Variants in SORCS3 observed in about 807,000 individuals in gnomAD.
SORCS3 encodes the protein VPS10 domain-containing receptor SorCS3.
SORCS3 carries 57 observed loss-of-function variants against 146.3 expected under a neutral mutation model. The observed-to-expected ratio is 0.39, with a 90% CI of 0.31 to 0.49. SORCS3 has a LOEUF of 0.49. SORCS3 is among the 20% of genes least tolerant of loss of function. The pLI is 0.92. For synonymous variants in SORCS3, 653 were observed against 618.5 expected (o/e 1.06, Z -0.83); for missense variants, 1,341 against 1,575.5 (o/e 0.85, Z 2.52).
intron 4 of SORCS3, among the ~76,000 whole-genome samples, chr10:105,000,868 T>A (rs989281717): frequency 6.6e-6 from 1 of 152,210 alleles, no homozygotes; most frequent in Non-Finnish European, 1.5e-5. Context: ...GTAGGTATTA[T>A]CACTCACCCA....
intron 1 of SORCS3, among the ~76,000 whole-genome samples, chr10:104,826,362 C>G (rs969062903): frequency 2.6e-5 from 4 of 151,992 alleles, no homozygotes; most frequent in African/African-American, 9.7e-5. Flanking sequence ...TCATCTACAC[C>G]CCATTAGGTA....
At chr10:105,177,526 G>T (rs2056414110) in intron 13 of SORCS3, among the ~76,000 whole-genome samples, 1 of 152,132 alleles carries the variant, frequency 6.6e-6, no homozygotes, top group Non-Finnish European at 1.5e-5. Flanking sequence ...TGAAAGATGA[G>T]GCAGTGTTGC....
chr10:105,159,188 G>T lies in SORCS3; in HGVS notation c.1732+194G>T, dbSNP rs142866709. Among the ~76,000 whole-genome samples, 4 of 152,072 alleles carry T rather than the reference G, an allele frequency of 2.6e-5. No homozygotes were observed. In the East Asian group the frequency reaches 7.7e-4, roughly 29 times the overall value. ...GAGCTCCAGACATTTGTAATTCCTA[G>T]GCTCATGCATCTTCCCCCCAGACAC... On this transcript the variant is annotated intron_variant, in intron 11 of 26. Transcript: ENST00000369701.
intron 2 of SORCS3, among the ~76,000 whole-genome samples, chr10:104,894,538 G>C (rs1317866290): frequency 1.3e-5 from 2 of 152,202 alleles, no homozygotes; most frequent in Non-Finnish European, 2.9e-5. Flanking sequence ...AGAAGTGGAG[G>C]AATATAAGCT....
chr10:105,015,816 AC>A (rs1292619723), intron 4 of SORCS3, among the ~76,000 whole-genome samples: 1 of 150,286 alleles, frequency 6.7e-6, no homozygotes, highest in East Asian at 2.0e-4. Flanking sequence ...TACAACCTCC[AC>A]CTCCCGGGTT....
intron 2 of SORCS3, among the ~76,000 whole-genome samples, chr10:104,870,131 A>G (rs956303513): frequency 1.3e-5 from 2 of 152,236 alleles, no homozygotes; most frequent in South Asian, 2.1e-4. Context: ...AATGTCAACA[A>G]TTCTCTTAGG....
chr10:104,657,562 T>C (rs1412608594), intron 1 of SORCS3, among the ~76,000 whole-genome samples: 1 of 152,218 alleles, frequency 6.6e-6, no homozygotes, highest in Non-Finnish European at 1.5e-5. Flanking sequence ...TCATGGTTTC[T>C]TTTTCTGGAG....
intron 1 of SORCS3, among the ~76,000 whole-genome samples, chr10:104,683,976 A>G (rs372618548): frequency 6.6e-6 from 1 of 152,232 alleles, no homozygotes; most frequent in African/African-American, 2.4e-5. Context: ...AGGGGTCTAT[A>G]GAAAGCTCTA....
chr10:104,696,241 C>G, intron 1 of SORCS3, among the ~76,000 whole-genome samples: 1 of 118,770 alleles, frequency 8.4e-6, no homozygotes, highest in African/African-American at 3.5e-5. Flanking sequence ...ATATCATATA[C>G]ACATATGATA....
intron 1 of SORCS3, among the ~76,000 whole-genome samples, chr10:104,817,013 C>T (rs1008876512): frequency 6.6e-6 from 1 of 152,182 alleles, no homozygotes; most frequent in African/African-American, 2.4e-5. Context: ...GTGGACCCAG[C>T]TTCCTGGCTT....
Position 105,255,768 on chromosome 10 carries a change from C to G in SORCS3, c.3304C>G (p.Gln1102Glu). The G allele has an allele frequency of 6.2e-7, 1 of 1,613,844 alleles. No individual in the cohort carries two copies. The highest frequency in any genetic ancestry group is 8.5e-7 in the Non-Finnish European group (1 of 1,179,900). The change falls in exon 24 of 27, where the codon CAA becomes GAA. Residue 1102 changes from glutamine (Q) to glutamate (E), a missense_variant. By Grantham distance (29) the Gln-to-Glu change is conservative (BLOSUM62 2). Transcript: ENST00000369701. ...LVQFELKPGVQVIVYVTQLTL... is the reference protein window; with the variant it reads ...LVQFELKPGVEVIVYVTQLTL... ...CCAGTTTGAGCTGAAGCCGGGGGTA[C>G]AAGTCATTGTGTATGTCACACAGCT... is the stretch of plus-strand genomic sequence containing the variant.
chr10:104,993,199 G>A (rs7090123), intron 4 of SORCS3, among the ~76,000 whole-genome samples: 11,287 of 152,246 alleles, frequency 0.074, 1,207 homozygotes, highest in African/African-American at 0.24. Flanking sequence ...TCCTGACAAA[G>A]GAGATGCTTG....
intron 1 of SORCS3, among the ~76,000 whole-genome samples, chr10:104,667,622 A>C (rs1277565150): frequency 2.0e-5 from 3 of 152,252 alleles, no homozygotes; most frequent in African/African-American, 4.8e-5. Context: ...TTTCTTAACA[A>C]ACGCTGGCTG....
chr10:104,746,101 A>G (rs1388482187), intron 1 of SORCS3, among the ~76,000 whole-genome samples: 1 of 150,262 alleles, frequency 6.7e-6, no homozygotes, highest in Non-Finnish European at 1.5e-5. Flanking sequence ...AATTGTATAT[A>G]TTTATGGGTA....
chr10:105,209,112 A>C (rs1192792036), intron 16 of SORCS3, among the ~76,000 whole-genome samples: 1 of 152,088 alleles, frequency 6.6e-6, no homozygotes. Context: ...GCAGAGATAG[A>C]TGTAATGCAA....
intron 1 of SORCS3, among the ~76,000 whole-genome samples, chr10:104,744,371 A>C (rs2016883619): frequency 6.6e-6 from 1 of 152,174 alleles, no homozygotes; most frequent in Admixed American, 6.5e-5. Flanking sequence ...TGAGATTTCC[A>C]GTTGTAATAG....
intron 3 of SORCS3, among the ~76,000 whole-genome samples, chr10:104,919,445 C>G (rs2133602523): frequency 6.6e-6 from 1 of 151,938 alleles, no homozygotes; most frequent in South Asian, 2.1e-4. Flanking sequence ...AATCCCAGCA[C>G]TTTGGGAGAC....
chr10:104,964,774 T>C (rs1198938488), intron 3 of SORCS3, among the ~76,000 whole-genome samples: 1 of 152,196 alleles, frequency 6.6e-6, no homozygotes, highest in Non-Finnish European at 1.5e-5. Flanking sequence ...GTGTACAGTT[T>C]AGTAGTGTTA....
At chr10:105,217,589 G>A (rs2056673167) in intron 19 of SORCS3, among the ~76,000 whole-genome samples, 3 of 152,162 alleles carry the variant, frequency 2.0e-5, no homozygotes, top group South Asian at 4.1e-4. Context: ...TTTTAATTTA[G>A]AACTAAACAC....
Sources: gnomAD v4.1 joint callset for allele counts (sites outside exome capture counted in the v4.1 genomes callset) on GRCh38, gnomAD v4.1.1 for gene constraint, MANE v1.5 for transcripts, NCBI Gene and HGNC (gene_info 2026-07-23, HGNC 2026-07-21) for gene names.